The following FXYD5 variants were observed in gnomAD, a reference collection of about 807,000 sequenced individuals.
FXYD5 encodes the protein FXYD domain-containing ion transport regulator 5.
FXYD5 carries 21 observed loss-of-function variants against 25.7 expected under a neutral mutation model. That is an observed-to-expected ratio of 0.82 (90% CI 0.58 to 1.18). FXYD5 has a LOEUF of 1.18. FXYD5 is among the 50% of genes most tolerant of loss of function. The pLI, the probability that FXYD5 is intolerant of heterozygous loss-of-function variation, is 0.00. For synonymous variants in FXYD5, 101 were observed against 90.7 expected (o/e 1.11, Z -0.64); for missense variants, 229 against 227.7 (o/e 1.01, Z -0.04).
chr19:35,166,172 G>T lies in FXYD5; in HGVS notation c.412+1G>T, dbSNP rs1317211577. The T allele has an allele frequency of 6.2e-7, 1 of 1,613,892 alleles. No individual in the cohort carries two copies. Among genetic ancestry groups the T allele is most frequent in the Non-Finnish European group, 8.5e-7 (1 of 1,179,846 alleles). ...CATGAGGATGACCCCTTCTTCTATGGTAAGTTATCCACAGGAAGATGTGGG... is the reference window on the plus strand; with the variant it reads ...CATGAGGATGACCCCTTCTTCTATGTTAAGTTATCCACAGGAAGATGTGGG... On this transcript the variant is annotated splice_donor_variant, in intron 7 of 8. Coordinates refer to ENST00000392219, the MANE Select transcript of FXYD5 (RefSeq NM_014164.6). LOFTEE classifies it high-confidence loss of function.
At position 35,164,219 on chromosome 19, in the gene FXYD5, C is replaced by G. The variant is rs766421720; in HGVS notation, c.356C>G (p.Thr119Arg). The change falls in exon 6 of 9, where the codon ACA becomes AGA. Residue 119 changes from threonine (T) to arginine (R), a missense_variant. Physicochemically the swap from Thr to Arg is moderately conservative, Grantham distance 71 (BLOSUM62 -1). Coordinates refer to ENST00000392219, the MANE Select transcript of FXYD5 (RefSeq NM_014164.6). ...ERPSPSTDVQ[T>R]DPQTLKPSGF... ...CCATCCCCAAGCACAGACGTCCAGA[C>G]AGACCCCCAGACCCTCAAGCCATCT... 3 of 1,612,834 alleles carry G rather than the reference C, an allele frequency of 1.9e-6. No homozygotes were observed. In the South Asian group the frequency reaches 3.3e-5, roughly 18 times the overall value.
chr19:35,165,109 G>A (rs974773513), intron 6 of FXYD5, among the ~76,000 whole-genome samples: 3 of 152,164 alleles, frequency 2.0e-5, no homozygotes, highest in Non-Finnish European at 4.4e-5. Context: ...GACTGTTACT[G>A]GAAAGGGGTT....
intron 4 of FXYD5, 60 bp downstream of exon 4, chr19:35,158,460 T>G (rs2065377148): frequency 2.0e-6 from 2 of 986,350 alleles, no homozygotes; most frequent in Non-Finnish European, 3.3e-6. Context: ...TTTCCCCTCT[T>G]CCTCTGACAC....
intron 8 of FXYD5, 175 bp downstream of exon 8, chr19:35,166,500 G>A: frequency 1.9e-6 from 1 of 536,304 alleles, no homozygotes; most frequent in East Asian, 3.1e-5. Flanking sequence ...CATTTATTGA[G>A]CTCTCAATAC....
chr19:35,155,450 T>C (rs1314990649), intron 1 of FXYD5, 101 bp from the exon 2 acceptor site: 1 of 963,294 alleles, frequency 1.0e-6, no homozygotes, highest in East Asian at 2.4e-5. Context: ...AAGCCAGAGG[T>C]TTTTGCTCAG....
rs180940973 is a variant in FXYD5, at chr19:35,157,354, C to T, written c.62-67C>T. On this transcript the variant is annotated intron_variant, in intron 2 of 8. Coordinates refer to ENST00000392219, the MANE Select transcript of FXYD5 (RefSeq NM_014164.6). Reference sequence around the variant, plus strand: ...GACCCCTAAGGTTTCACCAGGGAGGCGAGGGCGGGGGTGGTGAGAGGAGGG... The same window carrying T: ...GACCCCTAAGGTTTCACCAGGGAGGTGAGGGCGGGGGTGGTGAGAGGAGGG... 1.9e-3 allele frequency: 1,533 copies of T among 798,642 alleles called. 7 individuals carry two copies. Among genetic ancestry groups the T allele is most frequent in the Non-Finnish European group, 2.8e-3 (1,254 of 453,802 alleles). 49.5% of individuals were successfully genotyped at this position (798,642 alleles called of 1,614,324 possible). A position where few individuals can be genotyped will look rare whatever the true frequency, so the allele number is the denominator to read the frequency against.
intron 2 of FXYD5, chr19:35,157,111 G>C (rs2065362830): frequency 8.3e-6 from 2 of 241,966 alleles, no homozygotes; most frequent in Non-Finnish European, 1.6e-5. Flanking sequence ...ACTTGTTCCA[G>C]GTCACACAGC....
chr19:35,159,366 CTG>C, intron 4 of FXYD5: 1 of 1,160,012 alleles, frequency 8.6e-7, no homozygotes, highest in Non-Finnish European at 1.2e-6. Context: ...AATGCACTGA[CTG>C]TGTGCTGTGT....
chr19:35,155,745 G>T (rs2065348566), intron 2 of FXYD5, 134 bp downstream of exon 2: 1 of 723,586 alleles, frequency 1.4e-6, no homozygotes, highest in Non-Finnish European at 2.5e-6. Context: ...CCGGCACCAG[G>T]AAGTGGGGAT....
At chr19:35,163,751 G>A (rs997959719) in intron 5 of FXYD5, among the ~76,000 whole-genome samples, 1 of 152,124 alleles carries the variant, frequency 6.6e-6, no homozygotes, top group Admixed American at 6.5e-5. Flanking sequence ...CAAAGTGCTG[G>A]GGTTTACAGA....
At chr19:35,159,238 CCT>C (rs1189995317) in intron 4 of FXYD5, among the ~76,000 whole-genome samples, 1 of 152,152 alleles carries the variant, frequency 6.6e-6, no homozygotes, top group Non-Finnish European at 1.5e-5. Context: ...AAACTAAACC[CCT>C]TTGTCACCTC....
chr19:35,166,220 T>G (rs2065449290), intron 7 of FXYD5, 31 bp from the exon 8 acceptor site: 3 of 1,610,482 alleles, frequency 1.9e-6, no homozygotes, highest in African/African-American at 2.7e-5. Flanking sequence ...GAGGTCCGTC[T>G]GACTCTACCC....
Position 35,164,349 on chromosome 19 carries a change from G to A in FXYD5, c.382+104G>A, listed in dbSNP as rs191650808. On this transcript the variant is annotated intron_variant, in intron 6 of 8. Transcript: ENST00000392219. ...GCACAGAATAGTTCTCAGTAAAGAC[G>A]TGATGGGAAAGTAAATGACTTCAAG... 67 of 1,181,220 alleles carry A rather than the reference G, an allele frequency of 5.7e-5. 2 individuals carry two copies. The Admixed American group carries it at 9.2e-4, about 16-fold the overall frequency. The allele number at this position is 1,181,220 out of a possible 1,614,324, so 73.2% of individuals were successfully genotyped here. A position where few individuals can be genotyped will look rare whatever the true frequency, so the allele number is the denominator to read the frequency against.
chr19:35,169,739 A>G lies in FXYD5; in HGVS notation c.*124A>G, dbSNP rs1278353318. On this transcript the variant is annotated 3_prime_UTR_variant, in exon 9 of 9. Coordinates refer to ENST00000392219, the MANE Select transcript of FXYD5 (RefSeq NM_014164.6). ...TGGCCAGAGAGGGAAGACACAGATGATGAAGCTGGAGCCAGGGCTGCCGGT... is the reference window on the plus strand; with the variant it reads ...TGGCCAGAGAGGGAAGACACAGATGGTGAAGCTGGAGCCAGGGCTGCCGGT... The G allele has an allele frequency of 2.1e-5, 15 of 698,944 alleles. No homozygotes were observed. In the Middle Eastern group the frequency reaches 1.1e-3, roughly 52 times the overall value. The allele number at this position is 698,944 out of a possible 1,614,324, so 43.3% of individuals were successfully genotyped here. A position where few individuals can be genotyped will look rare whatever the true frequency, so the allele number is the denominator to read the frequency against.
intron 5 of FXYD5, 83 bp from the exon 6 acceptor site, chr19:35,164,073 C>G: frequency 6.2e-7 from 1 of 1,602,796 alleles, no homozygotes; most frequent in Non-Finnish European, 8.5e-7. Context: ...GGGGTTTCTT[C>G]CAGATGCAGA....
chr19:35,158,004 A>T (rs549394289), intron 3 of FXYD5, among the ~76,000 whole-genome samples: 13 of 152,252 alleles, frequency 8.5e-5, no homozygotes, highest in Non-Finnish European at 1.5e-4. Flanking sequence ...ATGGTCCCTA[A>T]AGGAAGTTCT....
chr19:35,164,227 C>A lies in FXYD5; in HGVS notation c.364C>A (p.Gln122Lys). ...SPSTDVQTDP[Q>K]TLKPSGFHED... ...AAGCACAGACGTCCAGACAGACCCC[C>A]AGACCCTCAAGCCATCTGGTTAGTA... Residue 122 changes from glutamine to lysine, a missense_variant, in exon 6 of 9, where the codon CAG becomes AAG. Gln to Lys is a moderately conservative substitution (Grantham distance 53). Transcript: ENST00000392219. 1 of 1,612,936 alleles carries A rather than the reference C, an allele frequency of 6.2e-7. No individual in the cohort carries two copies. The highest frequency in any genetic ancestry group is 8.5e-7 in the Non-Finnish European group (1 of 1,179,500).
Position 35,155,580 on chromosome 19 carries a change from C to A in FXYD5, c.30C>A (p.Leu10=). The change falls in exon 2 of 9, where the codon CTC becomes CTA. Residue 10 remains leucine (L), a synonymous_variant. Coordinates refer to ENST00000392219, the MANE Select transcript of FXYD5 (RefSeq NM_014164.6). ...CGCCCTCTGGTCGCCTGTGTCTTCT[C>A]ACCATCGTTGGCCTGATTCTCCCCA... MSPSGRLCL[L]TIVGLILPTR... is the part of the protein sequence containing the mutation. 6.2e-7 allele frequency: 1 copy of A among 1,610,836 alleles called. No individual in the cohort carries two copies.
At chr19:35,158,145 T>C (rs1476063443) in intron 3 of FXYD5, among the ~76,000 whole-genome samples, 199 bp from the exon 4 acceptor site, 1 of 152,230 alleles carries the variant, frequency 6.6e-6, no homozygotes, top group East Asian at 1.9e-4. Context: ...GTGTGGCATC[T>C]GTGGGACGTA....
Sources: gnomAD v4.1 joint callset for allele counts (sites outside exome capture counted in the v4.1 genomes callset) on GRCh38, gnomAD v4.1.1 for gene constraint, MANE v1.5 for transcripts, NCBI Gene and HGNC (gene_info 2026-07-23, HGNC 2026-07-21) for gene names.